The following NXPE2 variants were observed in gnomAD, a reference collection of about 807,000 sequenced individuals.
NXPE2 encodes the protein neurexophilin and PC-esterase domain family member 2.
A neutral mutation model predicts 34.4 loss-of-function variants in NXPE2; 34 were observed. The observed-to-expected ratio is 0.99, with a 90% CI of 0.75 to 1.31. The LOEUF is 1.31. Ranked by LOEUF, NXPE2 falls within the 40% of genes most tolerant of loss-of-function variation. NXPE2 has a pLI of 0.00. For missense variants in NXPE2, 649 were observed against 672.5 expected (o/e 0.97, Z 0.39); for synonymous variants, 235 against 231.3 (o/e 1.02, Z -0.15).
the NXPE2 span, among the ~76,000 whole-genome samples, chr11:114,504,186 A>C: frequency 6.6e-6 from 1 of 151,908 alleles, no homozygotes; most frequent in Non-Finnish European, 1.5e-5. Flanking sequence ...GCAGTATGCA[A>C]CCCCCCAACC....
the NXPE2 span, among the ~76,000 whole-genome samples, chr11:114,798,509 C>T: frequency 6.6e-6 from 1 of 152,030 alleles, no homozygotes; most frequent in Non-Finnish European, 1.5e-5. Flanking sequence ...TCAGCCTCCT[C>T]AGTAGCTGGG....
the NXPE2 span, among the ~76,000 whole-genome samples, chr11:114,783,359 C>T: frequency 7.2e-5 from 11 of 152,182 alleles, no homozygotes; most frequent in African/African-American, 1.4e-4. Flanking sequence ...TTTCTGTGTT[C>T]GCCTTTGAAT....
chr11:114,612,067 T>C, the NXPE2 span, among the ~76,000 whole-genome samples: 1 of 150,664 alleles, frequency 6.6e-6, no homozygotes, highest in African/African-American at 2.4e-5. Context: ...GGGTAACCAC[T>C]CTTACATGGT....
the NXPE2 span, among the ~76,000 whole-genome samples, chr11:114,555,516 C>T: frequency 0.021 from 3,218 of 152,260 alleles, 120 homozygotes; most frequent in African/African-American, 0.073. Flanking sequence ...TGAGCCACCA[C>T]GCCCAGCCAA....
downstream of NXPE2, among the ~76,000 whole-genome samples, chr11:114,711,375 T>C (rs1475073298): frequency 6.6e-6 from 1 of 152,116 alleles, no homozygotes; most frequent in Non-Finnish European, 1.5e-5. Context: ...TTAGAAAATC[T>C]TAAAGATTCT....
At chr11:114,553,626 A>G in the NXPE2 span, 3 of 761,716 alleles carry the variant, frequency 3.9e-6, no homozygotes, top group African/African-American at 1.9e-5. Flanking sequence ...AGTAACTGCA[A>G]ATCAGACTTC....
At chr11:114,783,391 A>C in the NXPE2 span, among the ~76,000 whole-genome samples, 1 of 152,190 alleles carries the variant, frequency 6.6e-6, no homozygotes, top group Non-Finnish European at 1.5e-5. Flanking sequence ...ATGAGCCCCA[A>C]ATAGCTCCCT....
At chr11:114,494,343 T>C in the NXPE2 span, among the ~76,000 whole-genome samples, 1 of 152,308 alleles carries the variant, frequency 6.6e-6, no homozygotes, top group Non-Finnish European at 1.5e-5. Context: ...TTAGATTTGC[T>C]CTTTTGAGAC....
At chr11:114,623,793 T>G in the NXPE2 span, among the ~76,000 whole-genome samples, 1 of 151,592 alleles carries the variant, frequency 6.6e-6, no homozygotes, top group Non-Finnish European at 1.5e-5. Flanking sequence ...ACTCTTACCC[T>G]ATGGATAACA....
At chr11:114,626,617 C>A in the NXPE2 span, among the ~76,000 whole-genome samples, 29 of 152,328 alleles carry the variant, frequency 1.9e-4, no homozygotes, top group South Asian at 5.8e-3. Context: ...CAGAGCGCCT[C>A]TCCTCCTCCA....
At chr11:114,608,367 C>T in the NXPE2 span, among the ~76,000 whole-genome samples, 3 of 151,866 alleles carry the variant, frequency 2.0e-5, no homozygotes, top group Non-Finnish European at 4.4e-5. Flanking sequence ...CAACTCTTAC[C>T]ATGTGGATAA....
chr11:114,601,886 A>G, the NXPE2 span, among the ~76,000 whole-genome samples: 308 of 48,928 alleles, frequency 6.3e-3, 2 homozygotes, highest in Middle Eastern at 0.036. Context: ...ATATATAATT[A>G]TATATTATAT....
At chr11:114,607,033 A>G in the NXPE2 span, among the ~76,000 whole-genome samples, 1 of 151,340 alleles carries the variant, frequency 6.6e-6, no homozygotes, top group Non-Finnish European at 1.5e-5. Flanking sequence ...ACGGTTACCC[A>G]GTGGATAATA....
the NXPE2 span, among the ~76,000 whole-genome samples, chr11:114,629,968 C>T: frequency 1.2e-3 from 179 of 149,758 alleles, 1 homozygote; most frequent in African/African-American, 4.3e-3. Context: ...TTACAAGGGA[C>T]GTGAAGGAAC....
chr11:114,536,498 T>G, the NXPE2 span, among the ~76,000 whole-genome samples: 1 of 151,960 alleles, frequency 6.6e-6, no homozygotes, highest in Non-Finnish European at 1.5e-5. Flanking sequence ...CAGGAGCTGG[T>G]TTTTTGAAAA....
chr11:114,511,644 C>T, the NXPE2 span, among the ~76,000 whole-genome samples: 2 of 152,070 alleles, frequency 1.3e-5, no homozygotes, highest in African/African-American at 4.8e-5. Context: ...ATATTTATCC[C>T]CTCCAAATCT....
rs776450477 is a variant in NXPE2 at position 114,679,681 on chromosome 11, C to T, written c.51C>T (p.Ala17=). 1.5e-5 allele frequency: 23 copies of T among 1,549,406 alleles called. No homozygotes were observed. Among genetic ancestry groups the T allele is most frequent in the Non-Finnish European group, 1.9e-5 (22 of 1,145,432 alleles). The change falls in exon 2 of 6, where the codon GCC becomes GCT. Residue 17 remains alanine (A), a synonymous_variant. Coordinates refer to ENST00000389586, the MANE Select transcript of NXPE2 (RefSeq NM_182495.6). Reference sequence around the variant, plus strand: ...GGATACTCACTTTGTTTCCAAATGCCATAGCTCGAAAATTACTGCTGATGT... The same window carrying T: ...GGATACTCACTTTGTTTCCAAATGCTATAGCTCGAAAATTACTGCTGATGT... ...IHRILTLFPN[A]IARKLLLMLT...
At chr11:114,530,256 G>A in the NXPE2 span, 3 of 1,613,824 alleles carry the variant, frequency 1.9e-6, no homozygotes, top group Non-Finnish European at 2.5e-6. Flanking sequence ...AGCCTCACAG[G>A]GCATGTGTTG....
chr11:114,490,257 A>G, the NXPE2 span, among the ~76,000 whole-genome samples: 1 of 152,234 alleles, frequency 6.6e-6, no homozygotes, highest in Non-Finnish European at 1.5e-5. Flanking sequence ...GGAAGAATCA[A>G]TATCGTGAAA....
Sources: gnomAD v4.1 joint callset for allele counts (sites outside exome capture counted in the v4.1 genomes callset) on GRCh38, gnomAD v4.1.1 for gene constraint, MANE v1.5 for transcripts, NCBI Gene and HGNC (gene_info 2026-07-23, HGNC 2026-07-21) for gene names.